DIO2: variants seen among roughly 807,000 people sequenced by gnomAD.
DIO2 encodes the protein type II iodothyronine deiodinase.
Under a neutral mutation model 21.4 loss-of-function variants are expected in DIO2, and 19 were observed. That is an observed-to-expected ratio of 0.89 (90% CI 0.62 to 1.30). The LOEUF is 1.30. Among genes scored for constraint, DIO2 ranks in the 50% most tolerant of loss-of-function variants. DIO2 has a pLI of 0.00. For missense variants in DIO2, 302 were observed against 338.1 expected, an observed-to-expected ratio of 0.89 and a Z score of 0.84; for synonymous variants, 122 against 132.9, an observed-to-expected ratio of 0.92 and a Z score of 0.57.
At chr14:80,209,770 A>T (rs1315196718) in intron 1 of DIO2, among the ~76,000 whole-genome samples, 5 of 152,232 alleles carry the variant, frequency 3.3e-5, no homozygotes, top group Non-Finnish European at 5.9e-5. Flanking sequence ...AACAATAAAC[A>T]CAAACCCTCT....
chr14:80,230,529 C>G (rs957946668), intron 2 of DIO2, among the ~76,000 whole-genome samples: 1 of 152,132 alleles, frequency 6.6e-6, no homozygotes, highest in East Asian at 1.9e-4. Context: ...TTAGGAGGAA[C>G]AAATCAGCTT....
intron 2 of DIO2, among the ~76,000 whole-genome samples, chr14:80,225,510 C>T (rs575336984): frequency 2.4e-4 from 36 of 152,294 alleles, no homozygotes; most frequent in Middle Eastern, 3.4e-3. Flanking sequence ...AGTATATACA[C>T]GCACAAACGT....
Position 80,202,414 on chromosome 14 carries a change from A to G in DIO2, c.*275T>C. On this transcript the variant is annotated 3_prime_UTR_variant, in exon 2 of 2. Transcript: ENST00000438257. ...ATCAGTTCCTTCTCAATGCAGAATG[A>G]ACACATGCTGAATTAGCGTTTCTTC... 1.5e-6 allele frequency: 1 copy of G among 675,518 alleles called. No homozygotes were observed. Among genetic ancestry groups the G allele is most frequent in the East Asian group, 3.1e-5 (1 of 32,614 alleles). 41.8% of individuals were successfully genotyped at this position (675,518 alleles called of 1,614,324 possible).
intron 2 of DIO2, among the ~76,000 whole-genome samples, chr14:80,224,245 C>G (rs1888524255): frequency 6.6e-6 from 1 of 152,084 alleles, no homozygotes; most frequent in Non-Finnish European, 1.5e-5. Flanking sequence ...AATTCTTATG[C>G]TGGAAGTACC....
chr14:80,223,213 A>G (rs920934131), intron 2 of DIO2, among the ~76,000 whole-genome samples: 3 of 152,120 alleles, frequency 2.0e-5, no homozygotes, highest in African/African-American at 7.2e-5. Context: ...TTTTAATTGT[A>G]TCATACTAAT....
rs1888386768 is a variant in DIO2 at position 80,217,731 on chromosome 14, T to G, written c.-277-994A>C. On this transcript the variant is annotated intron_variant, in intron 2 of 4. Transcript: ENST00000553594. ...TGTCATGTTTTAAAGATTCTATGTC[T>G]GCCTTCCCAAAATAAAACCAAGACA... Among the ~76,000 whole-genome samples, 3 of 152,234 alleles carry G rather than the reference T, an allele frequency of 2.0e-5. No homozygotes were observed. In the South Asian group the frequency reaches 6.2e-4, roughly 31 times the overall value.
chr14:80,225,429 T>C (rs1392538214), intron 2 of DIO2, among the ~76,000 whole-genome samples: 2 of 152,192 alleles, frequency 1.3e-5, no homozygotes, highest in African/African-American at 2.4e-5. Flanking sequence ...TAAATGCTGA[T>C]ATGAGGTCAA....
chr14:80,221,533 T>C (rs1329758047), intron 2 of DIO2, among the ~76,000 whole-genome samples: 1 of 152,186 alleles, frequency 6.6e-6, no homozygotes, highest in Non-Finnish European at 1.5e-5. Flanking sequence ...CAGAGTAAGA[T>C]TGCTTTCTAA....
upstream of DIO2, among the ~76,000 whole-genome samples, chr14:80,214,926 TG>T (rs1477933035): frequency 1.3e-5 from 2 of 152,206 alleles, no homozygotes; most frequent in African/African-American, 2.4e-5. Context: ...ATGTCTGTTA[TG>T]GGTCCTGGTC....
chr14:80,229,459 G>T (rs1888642642), intron 2 of DIO2, among the ~76,000 whole-genome samples: 1 of 152,034 alleles, frequency 6.6e-6, no homozygotes, highest in South Asian at 2.1e-4. Context: ...GCAATTATAG[G>T]GCTCTTCAAA....
chr14:80,204,342 C>T (rs1209779020), intron 1 of DIO2, among the ~76,000 whole-genome samples: 4 of 152,124 alleles, frequency 2.6e-5, no homozygotes, highest in Non-Finnish European at 5.9e-5. Context: ...TTTTCTACCC[C>T]ACAATTTGTT....
intron 1 of DIO2, chr14:80,205,692 C>T (rs1201743170): frequency 1.5e-6 from 2 of 1,328,122 alleles, no homozygotes; most frequent in South Asian, 1.2e-5. Flanking sequence ...AAAACACAGA[C>T]TAATTTGCCT....
At chr14:80,230,902 T>G (rs1302591744) in intron 2 of DIO2, 1 of 152,272 alleles carries the variant, frequency 6.6e-6, no homozygotes, top group East Asian at 1.9e-4. Flanking sequence ...TTATCTTACA[T>G]GATCACAACG....
At chr14:80,210,415 G>T (rs1399453927) in intron 1 of DIO2, among the ~76,000 whole-genome samples, 1 of 152,106 alleles carries the variant, frequency 6.6e-6, no homozygotes, top group Non-Finnish European at 1.5e-5. Context: ...GCAGCCCCTG[G>T]GCACTACCTG....
chr14:80,228,635 A>G (rs1005481747), intron 2 of DIO2, among the ~76,000 whole-genome samples: 2 of 152,150 alleles, frequency 1.3e-5, no homozygotes, highest in Admixed American at 6.5e-5. Context: ...TCCCACCATA[A>G]TAGCCCTCAC....
intron 2 of DIO2, among the ~76,000 whole-genome samples, chr14:80,228,459 G>A (rs1888619629): frequency 6.6e-6 from 1 of 152,202 alleles, no homozygotes; most frequent in Admixed American, 6.5e-5. Context: ...CTTCTACACA[G>A]ACCAAATGGG....
chr14:80,218,703 C>A (rs897500818), intron 2 of DIO2, among the ~76,000 whole-genome samples: 1 of 152,154 alleles, frequency 6.6e-6, no homozygotes, highest in Non-Finnish European at 1.5e-5. Flanking sequence ...TTGGGCCTGG[C>A]AAGGTGGGTC....
chr14:80,206,334 T>G lies in DIO2; in HGVS notation c.223-3046A>C, dbSNP rs778251642. On this transcript the variant is annotated intron_variant, in intron 1 of 1. Coordinates refer to ENST00000438257, the MANE Select transcript of DIO2 (RefSeq NM_013989.5). ...TTTGCTAAAACCTGATGGAGGACAA[T>G]TTAGCTAAAATAAAGAAAAAAAACT... 5.9e-6 allele frequency: 9 copies of G among 1,527,180 alleles called. No individual in the cohort carries two copies. The Admixed American group carries it at 2.1e-4, about 35-fold the overall frequency. The allele number at this position is 1,527,180 out of a possible 1,614,324, so 94.6% of individuals were successfully genotyped here. A position where few individuals can be genotyped will look rare whatever the true frequency, so the allele number is the denominator to read the frequency against.
chr14:80,211,199 T>G, intron 1 of DIO2, 52 bp downstream of exon 1: 132 of 1,540,852 alleles, frequency 8.6e-5, no homozygotes, highest in Middle Eastern at 2.3e-4. Flanking sequence ...CCCCAGCATA[T>G]GAGCCCCTGC....
Sources: gnomAD v4.1 joint callset for allele counts (sites outside exome capture counted in the v4.1 genomes callset) on GRCh38, gnomAD v4.1.1 for gene constraint, MANE v1.5 for transcripts, NCBI Gene and HGNC (gene_info 2026-07-23, HGNC 2026-07-21) for gene names.